Variants in EIF4G3 observed in about 807,000 individuals in gnomAD.
The protein encoded by EIF4G3 is eIF-4-gamma 3.
A neutral mutation model predicts 186.4 loss-of-function variants in EIF4G3; 34 were observed. That is an observed-to-expected ratio of 0.18 (90% CI 0.14 to 0.24). The LOEUF is 0.24. EIF4G3 is among the 10% of genes least tolerant of loss of function. The pLI is 1.00. For synonymous variants in EIF4G3, 673 were observed against 679.5 expected, an observed-to-expected ratio of 0.99 and a Z score of 0.15; for missense variants, 1,536 against 1,948.5, an observed-to-expected ratio of 0.79 and a Z score of 3.99.
chr1:20,858,889 C>T (rs1406649536), intron 24 of EIF4G3, among the ~76,000 whole-genome samples: 2 of 152,050 alleles, frequency 1.3e-5, no homozygotes, highest in Admixed American at 6.5e-5. Context: ...CCCAGCCACT[C>T]GGGAGGCTGA....
intron 33 of EIF4G3, among the ~76,000 whole-genome samples, chr1:20,819,157 T>C (rs537770454): frequency 2.0e-5 from 3 of 152,074 alleles, no homozygotes; most frequent in Non-Finnish European, 2.9e-5. Flanking sequence ...CTCCAATATA[T>C]GCAAAAAAGC....
rs147581624 is a variant in EIF4G3 at position 21,022,846 on chromosome 1, T to C, written c.-66-20038A>G. Among the ~76,000 whole-genome samples, 1,486 of 152,364 alleles carry C rather than the reference T, an allele frequency of 9.8e-3. 21 individuals are homozygous for C. The highest frequency in any genetic ancestry group is 0.016 in the Non-Finnish European group (1,086 of 68,038). On this transcript the variant is annotated intron_variant, in intron 4 of 36. Transcript: ENST00000602326. ...CCATGTAGCTTGTACTTTTTTGATA[T>C]GGCCAACAGATCCCCTAGGTTTTCT... is the stretch of plus-strand genomic sequence containing the variant.
rs1385793206 is a variant in EIF4G3 at position 21,062,714 on chromosome 1, C to T, written c.-195-11720G>A. ...AAGCGATTCTCCTGCCTCAGCCTCC[C>T]AAGTAGCTGGGATTACAGGTGCGTG... is the stretch of plus-strand genomic sequence containing the variant. On this transcript the variant is annotated intron_variant, in intron 3 of 36. Coordinates refer to ENST00000602326, the MANE Select transcript of EIF4G3 (RefSeq NM_001391906.1). Among the ~76,000 whole-genome samples, 4 of 152,280 alleles carry T rather than the reference C, an allele frequency of 2.6e-5. No homozygotes were observed. In the East Asian group the frequency reaches 7.7e-4, roughly 29 times the overall value.
chr1:21,043,569 T>G (rs1389015088), intron 4 of EIF4G3, among the ~76,000 whole-genome samples: 1 of 152,118 alleles, frequency 6.6e-6, no homozygotes, highest in Non-Finnish European at 1.5e-5. Flanking sequence ...TAGGCACATT[T>G]CAAGGTAAGT....
intron 8 of EIF4G3, 21 bp downstream of exon 8, chr1:20,982,367 G>T: frequency 6.6e-7 from 1 of 1,516,406 alleles, no homozygotes. Context: ...AAGAGGCCAT[G>T]CAGAACCAGT....
intron 22 of EIF4G3, among the ~76,000 whole-genome samples, chr1:20,863,780 AGAGG>A (rs2076963214): frequency 7.5e-6 from 1 of 134,128 alleles, no homozygotes; most frequent in African/African-American, 2.7e-5. Context: ...AGAGAGAGAG[AGAGG>A]TGGCTGTGTC....
intron 2 of EIF4G3, among the ~76,000 whole-genome samples, chr1:21,140,465 C>G (rs1053589034): frequency 6.6e-6 from 1 of 152,178 alleles, no homozygotes; most frequent in Non-Finnish European, 1.5e-5. Context: ...AGGAATGCAC[C>G]ACCATGCATG....
At chr1:20,968,708 A>T (rs1487116107) in intron 12 of EIF4G3, among the ~76,000 whole-genome samples, 1 of 152,214 alleles carries the variant, frequency 6.6e-6, no homozygotes, top group Non-Finnish European at 1.5e-5. Flanking sequence ...ATTTAGAAAA[A>T]AACATTTTTA....
rs574679680 is a variant in EIF4G3, at chr1:20,892,655, C to T, written c.2253+862G>A. The stretch of plus-strand genomic sequence containing the variant: ...GGCTCTTCATGGGTGGGTGTGACAT[C>T]ACCAGTGGAGGGCAAGTTGGGGCTT... On this transcript the variant is annotated intron_variant, in intron 18 of 36. Transcript: ENST00000602326. 4 of 1,536,088 alleles carry T rather than the reference C, an allele frequency of 2.6e-6. No homozygotes were observed. The South Asian group carries it at 3.6e-5, about 14-fold the overall frequency.
At chr1:21,166,842 T>C (rs998524700) in intron 2 of EIF4G3, among the ~76,000 whole-genome samples, 2 of 152,034 alleles carry the variant, frequency 1.3e-5, no homozygotes, top group Non-Finnish European at 2.9e-5. Context: ...AGTGCAGCAG[T>C]GCAATCATGG....
At chr1:21,071,828 G>GA (rs1175328374) in intron 3 of EIF4G3, among the ~76,000 whole-genome samples, 4 of 148,516 alleles carry the variant, frequency 2.7e-5, no homozygotes, top group Admixed American at 6.7e-5. Context: ...AGAGAGAGAG[G>GA]AAAAAAAAAG....
In EIF4G3 at chr1:20,843,012, T is replaced by TA. The variant is rs570509652; in HGVS notation, c.3889-1985dup. Among the ~76,000 whole-genome samples the TA allele has an allele frequency of 1.9e-3, 287 of 152,104 alleles. 2 individuals carry two copies. The highest frequency in any genetic ancestry group is 6.8e-3 in the African/African-American group (283 of 41,504). ...GGCATGCCACCATGCCCGGCTAATT[T>TA]AAAAAAATTTTTTTGTAAAGATGGA... On this transcript the variant is annotated intron_variant, in intron 29 of 36. Transcript: ENST00000602326.
chr1:20,900,534 GAGAA>G (rs1428146862), intron 15 of EIF4G3, among the ~76,000 whole-genome samples: 45 of 149,230 alleles, frequency 3.0e-4, no homozygotes, highest in Non-Finnish European at 4.5e-5. Context: ...AAGAGAGAGA[GAGAA>G]AAAAAAAAGA....
intron 15 of EIF4G3, among the ~76,000 whole-genome samples, chr1:20,902,265 T>C (rs1204634318): frequency 6.6e-6 from 1 of 152,146 alleles, no homozygotes. Flanking sequence ...GGTTTCACCA[T>C]GTTGGTCAGG....
chr1:21,042,006 A>G (rs1400578100), intron 4 of EIF4G3, among the ~76,000 whole-genome samples: 7 of 143,828 alleles, frequency 4.9e-5, no homozygotes, highest in South Asian at 2.2e-4. Flanking sequence ...TTTTTTTTGG[A>G]GACAGGGTCT....
At position 20,879,370 on chromosome 1, in the gene EIF4G3, G is replaced by A; in HGVS notation, c.2575C>T (p.Pro859Ser). 1 of 1,605,594 alleles carries A rather than the reference G, an allele frequency of 6.2e-7. No individual in the cohort carries two copies. Among genetic ancestry groups the A allele is most frequent in the Non-Finnish European group, 8.5e-7 (1 of 1,175,838 alleles). ...TTTGCGTAAGCCACAGAGAAACTGG[G>A]TTCATCAATAGCCTTCTCAAAGACC... ...DLVFEKAIDE[P>S]SFSVAYANMC... Residue 859 changes from proline to serine, a missense_variant, in exon 20 of 37, where the codon CCC (proline) becomes TCC (serine). By Grantham distance (74) the Pro-to-Ser change is moderately conservative. Transcript: ENST00000602326.
chr1:21,002,945 A>T, intron 4 of EIF4G3, 137 bp from the exon 5 acceptor site: 1 of 503,352 alleles, frequency 2.0e-6, no homozygotes, highest in Non-Finnish European at 3.5e-6. Flanking sequence ...ATTTAACTTT[A>T]TTACAATATC....
At chr1:21,051,662 T>C (rs1363732763) in intron 3 of EIF4G3, among the ~76,000 whole-genome samples, 1 of 152,142 alleles carries the variant, frequency 6.6e-6, no homozygotes, top group Admixed American at 6.6e-5. Context: ...GACCAGCCTG[T>C]GCAACATAGC....
chr1:20,969,679 A>G, intron 11 of EIF4G3, 83 bp from the exon 12 acceptor site: 1 of 1,321,672 alleles, frequency 7.6e-7, no homozygotes, highest in Non-Finnish European at 1.1e-6. Context: ...TTAAAGGTGC[A>G]AACTGGGAAA....
Sources: allele counts gnomAD v4.1 joint callset (sites outside exome capture counted in the v4.1 genomes callset), GRCh38; gene constraint gnomAD v4.1.1; transcripts MANE v1.5; gene names NCBI Gene and HGNC (gene_info 2026-07-23, HGNC 2026-07-21).